The following DCC variants were observed in gnomAD, a reference collection of about 807,000 sequenced individuals.
DCC encodes DCC netrin 1 receptor.
DCC carries 58 observed loss-of-function variants against 172.5 expected under a neutral mutation model. That is an observed-to-expected ratio of 0.34 (90% CI 0.27 to 0.42). The LOEUF is 0.42. DCC is among the 10% of genes least tolerant of loss of function. DCC has a pLI of 1.00. For missense variants in DCC, 1,740 were observed against 1,791.0 expected, an observed-to-expected ratio of 0.97 and a Z score of 0.51; for synonymous variants, 709 against 644.5, an observed-to-expected ratio of 1.10 and a Z score of -1.52.
intron 5 of DCC, among the ~76,000 whole-genome samples, chr18:53,040,085 T>C (rs1369775686): frequency 6.6e-6 from 1 of 151,794 alleles, no homozygotes; most frequent in Non-Finnish European, 1.5e-5. Context: ...TTGACACTGA[T>C]TAAATGCAGG....
At chr18:53,320,196 C>T (rs2057393496) in intron 13 of DCC, among the ~76,000 whole-genome samples, 1 of 151,512 alleles carries the variant, frequency 6.6e-6, no homozygotes, top group African/African-American at 2.4e-5. Flanking sequence ...CCTCAGCCTC[C>T]CGAGTAGCTG....
intron 1 of DCC, among the ~76,000 whole-genome samples, chr18:52,421,140 T>C (rs995569029): frequency 6.6e-6 from 1 of 152,198 alleles, no homozygotes; most frequent in Non-Finnish European, 1.5e-5. Context: ...GTACAGTTCC[T>C]GTGCCTTGAA....
chr18:53,351,465 T>TATATATATATATATATATATATATA lies in DCC; in HGVS notation c.2359+11558_2359+11559insATATATATATATATATATATATATA, dbSNP rs1568075523. ...AGTGTATATATATATATACACAGTG[T>TATATATATATATATATATATATATA]GTATATATATATATATATATATATA... is the stretch of plus-strand genomic sequence containing the variant. On this transcript the variant is annotated intron_variant, in intron 15 of 28. Coordinates refer to ENST00000442544, the MANE Select transcript of DCC (RefSeq NM_005215.4). Among the ~76,000 whole-genome samples, 10 of 17,444 alleles carry TATATATATATATATATATATATATA rather than the reference T, an allele frequency of 5.7e-4. 1 individual carries two copies. Among genetic ancestry groups the TATATATATATATATATATATATATA allele is most frequent in the Admixed American group, 1.1e-3 (3 of 2,746 alleles). 11.4% of individuals were successfully genotyped at this position (17,444 alleles called of 152,430 possible).
At chr18:53,486,207 C>G (rs1440251884) in intron 25 of DCC, among the ~76,000 whole-genome samples, 1 of 152,008 alleles carries the variant, frequency 6.6e-6, no homozygotes, top group African/African-American at 2.4e-5. Flanking sequence ...AGTTGATATT[C>G]CTGAAAAACA....
At chr18:53,483,427 C>G (rs2045861640) in intron 25 of DCC, among the ~76,000 whole-genome samples, 1 of 151,772 alleles carries the variant, frequency 6.6e-6, no homozygotes, top group African/African-American at 2.4e-5. Flanking sequence ...TGGAATTTTT[C>G]TGATGTAACA....
At chr18:53,411,783 T>G (rs1258813950) in intron 20 of DCC, among the ~76,000 whole-genome samples, 1 of 152,102 alleles carries the variant, frequency 6.6e-6, no homozygotes, top group Non-Finnish European at 1.5e-5. Context: ...GAAAGTAGGA[T>G]AGAAATGAGT....
At chr18:52,623,401 T>C (rs1215028169) in intron 1 of DCC, among the ~76,000 whole-genome samples, 1 of 152,188 alleles carries the variant, frequency 6.6e-6, no homozygotes, top group Non-Finnish European at 1.5e-5. Flanking sequence ...TCTTCAAAGA[T>C]GTGCAGCTGG....
chr18:53,190,046 C>T (rs1012885886), intron 9 of DCC, among the ~76,000 whole-genome samples: 2 of 152,204 alleles, frequency 1.3e-5, no homozygotes, highest in Non-Finnish European at 2.9e-5. Flanking sequence ...CCTGCCTCAG[C>T]CTCCCGAGTA....
intron 1 of DCC, among the ~76,000 whole-genome samples, chr18:52,371,058 CTT>C (rs1242148820): frequency 6.6e-6 from 1 of 152,132 alleles, no homozygotes; most frequent in African/African-American, 2.4e-5. Flanking sequence ...AAAGAGAACT[CTT>C]TGTCAGGGGA....
intron 12 of DCC, among the ~76,000 whole-genome samples, chr18:53,270,324 A>G (rs1011499351): frequency 5.3e-5 from 8 of 152,116 alleles, no homozygotes; most frequent in African/African-American, 1.9e-4. Context: ...GAATATTTTA[A>G]CTATAGTAAG....
chr18:52,689,076 G>T (rs1568043042), intron 1 of DCC, among the ~76,000 whole-genome samples: 4 of 152,044 alleles, frequency 2.6e-5, no homozygotes, highest in Non-Finnish European at 5.9e-5. Context: ...ACAGAATTTT[G>T]GTCAAGGACA....
intron 2 of DCC, among the ~76,000 whole-genome samples, chr18:52,808,828 A>C (rs948678079): frequency 6.5e-4 from 99 of 152,280 alleles, no homozygotes; most frequent in African/African-American, 2.3e-3. Context: ...CTATATTCTT[A>C]CTTTCCTCTC....
intron 13 of DCC, among the ~76,000 whole-genome samples, chr18:53,311,739 A>G (rs1312622355): frequency 1.3e-5 from 2 of 152,178 alleles, no homozygotes; most frequent in Non-Finnish European, 2.9e-5. Flanking sequence ...TTTAATCTTT[A>G]TGACAGTTTT....
intron 7 of DCC, among the ~76,000 whole-genome samples, chr18:53,155,640 T>C (rs1039705758): frequency 1.7e-4 from 26 of 152,248 alleles, no homozygotes; most frequent in Non-Finnish European, 2.8e-4. Context: ...TCCATGAAAA[T>C]TGCTTCTACT....
chr18:53,297,719 A>C (rs12960007), intron 12 of DCC, among the ~76,000 whole-genome samples: 16,064 of 152,250 alleles, frequency 0.11, 946 homozygotes, highest in Middle Eastern at 0.17. Flanking sequence ...TATAGAAAAT[A>C]AGATGCCTTA....
intron 5 of DCC, among the ~76,000 whole-genome samples, chr18:53,023,656 C>A (rs576085707): frequency 6.6e-6 from 1 of 152,082 alleles, no homozygotes; most frequent in Non-Finnish European, 1.5e-5. Context: ...CATTTACTAG[C>A]TAAGTGATTT....
At chr18:53,109,006 T>C (rs968253452) in intron 7 of DCC, among the ~76,000 whole-genome samples, 1 of 150,972 alleles carries the variant, frequency 6.6e-6, no homozygotes, top group African/African-American at 2.4e-5. Context: ...AGTGGTTATA[T>C]CAATTTATAT....
rs542776344 is a variant in DCC, at chr18:52,916,049, G to T, written c.698-7658G>T. Among the ~76,000 whole-genome samples the T allele has an allele frequency of 1.6e-4, 25 of 152,128 alleles. No homozygotes were observed. In the East Asian group the frequency reaches 4.8e-3, roughly 29 times the overall value. On this transcript the variant is annotated intron_variant, in intron 3 of 28. Transcript: ENST00000442544. ...TTAAGAATGTCCATGAAAAAGCAGT[G>T]AAAATTATTAATTTTATTGTCTCGA...
In DCC at chr18:52,823,619, T is replaced by A. The variant is rs2145277909; in HGVS notation, c.412+71245T>A. Reference sequence around the variant, plus strand: ...GACTCACTCATTTCACCAGGATTTATTTTTTGGACAAGGACAAAATAAAAA... The same window carrying A: ...GACTCACTCATTTCACCAGGATTTAATTTTTGGACAAGGACAAAATAAAAA... On this transcript the variant is annotated intron_variant, in intron 2 of 28. Transcript: ENST00000442544. Among the ~76,000 whole-genome samples, 2 of 152,262 alleles carry A rather than the reference T, an allele frequency of 1.3e-5. 1 individual carries two copies. The highest frequency in any genetic ancestry group is 1.3e-4 in the Admixed American group (2 of 15,286).
Sources: allele counts gnomAD v4.1 joint callset (sites outside exome capture counted in the v4.1 genomes callset), GRCh38; gene constraint gnomAD v4.1.1; transcripts MANE v1.5; gene names NCBI Gene and HGNC (gene_info 2026-07-23, HGNC 2026-07-21).